The following ADGRV1 variants were observed in gnomAD, a reference collection of about 807,000 sequenced individuals.
ADGRV1 encodes G-protein coupled receptor 98.
In ADGRV1, 359 loss-of-function variants were observed where a neutral mutation model predicts 596.2. The ratio of observed to expected loss-of-function variants is 0.60; its 90% CI spans 0.55 to 0.66. ADGRV1 has a LOEUF of 0.66. ADGRV1 is among the 30% of genes least tolerant of loss of function. The probability of loss-of-function intolerance (pLI) is 0.00; values close to 1 mark genes in which losing one functional copy is unlikely to be tolerated. For missense variants in ADGRV1, 7,274 were observed against 7,575.6 expected, an observed-to-expected ratio of 0.96 and a Z score of 1.48; for synonymous variants, 2,681 against 2,679.2, an observed-to-expected ratio of 1.00 and a Z score of -0.02.
At chr5:91,014,260 G>A (rs1391779848) in intron 85 of ADGRV1, among the ~76,000 whole-genome samples, 7 of 151,738 alleles carry the variant, frequency 4.6e-5, no homozygotes, top group African/African-American at 1.7e-4. Context: ...TTTTTGATGT[G>A]CTGTTGAATA....
At chr5:90,822,017 C>G (rs550345846) in intron 75 of ADGRV1, 1 of 157,246 alleles carries the variant, frequency 6.4e-6, no homozygotes, top group Non-Finnish European at 1.4e-5. Flanking sequence ...CCCCCAGCCT[C>G]GCTGCCGCCT....
At chr5:90,643,611 C>T (rs1047695772) in intron 13 of ADGRV1, among the ~76,000 whole-genome samples, 192 bp from the exon 14 acceptor site, 8 of 151,936 alleles carry the variant, frequency 5.3e-5, no homozygotes, top group Non-Finnish European at 1.0e-4. Flanking sequence ...ACAATGTATA[C>T]GTATTTCTGG....
intron 86 of ADGRV1, among the ~76,000 whole-genome samples, chr5:91,100,277 G>A (rs937891019): frequency 6.6e-6 from 1 of 152,012 alleles, no homozygotes; most frequent in East Asian, 1.9e-4. Context: ...CAAAAATTAA[G>A]TGGGCGTGGT....
At chr5:90,938,179 C>T (rs532921851) in intron 83 of ADGRV1, among the ~76,000 whole-genome samples, 1 of 152,086 alleles carries the variant, frequency 6.6e-6, no homozygotes, top group South Asian at 2.1e-4. Flanking sequence ...CCCAAACAGC[C>T]TGGTTGAGTA....
At chr5:91,056,769 G>A (rs1207226015) in intron 85 of ADGRV1, among the ~76,000 whole-genome samples, 2 of 152,078 alleles carry the variant, frequency 1.3e-5, no homozygotes, top group Non-Finnish European at 2.9e-5. Context: ...AACCACCGCT[G>A]CTCTGTACAT....
chr5:91,148,954 G>A (rs1372043588), intron 87 of ADGRV1, among the ~76,000 whole-genome samples: 1 of 152,208 alleles, frequency 6.6e-6, no homozygotes, highest in Non-Finnish European at 1.5e-5. Flanking sequence ...TTTTGGACTT[G>A]CATGGAGTCT....
At chr5:90,568,934 T>C (rs1756020020) in intron 1 of ADGRV1, among the ~76,000 whole-genome samples, 1 of 152,216 alleles carries the variant, frequency 6.6e-6, no homozygotes, top group African/African-American at 2.4e-5. Context: ...TCTTAGTCCA[T>C]TTTCTGAATA....
At chr5:90,627,901 T>A in intron 7 of ADGRV1, 125 bp downstream of exon 7, 7 of 460,240 alleles carry the variant, frequency 1.5e-5, no homozygotes, top group Middle Eastern at 5.9e-4. Flanking sequence ...CAAAGTTTCA[T>A]GACAAACTCA....
At chr5:90,787,594 T>C (rs556651575) in intron 67 of ADGRV1, among the ~76,000 whole-genome samples, 19 of 146,714 alleles carry the variant, frequency 1.3e-4, no homozygotes, top group African/African-American at 3.2e-4. Context: ...TTCTTTCTTT[T>C]TTTTTTTTTT....
At chr5:90,976,808 C>T (rs1432721313) in intron 84 of ADGRV1, among the ~76,000 whole-genome samples, 3 of 152,078 alleles carry the variant, frequency 2.0e-5, no homozygotes, top group African/African-American at 7.2e-5. Flanking sequence ...ATATACAACC[C>T]TTGCATTGTT....
chr5:90,700,866 C>A (rs886942184), intron 34 of ADGRV1, among the ~76,000 whole-genome samples: 2 of 151,984 alleles, frequency 1.3e-5, no homozygotes, highest in Non-Finnish European at 2.9e-5. Context: ...CATGTATACA[C>A]GAATCTATTA....
intron 1 of ADGRV1, among the ~76,000 whole-genome samples, chr5:90,583,972 A>C (rs1445832602): frequency 6.6e-6 from 1 of 152,214 alleles, no homozygotes; most frequent in Non-Finnish European, 1.5e-5. Flanking sequence ...TATATTTAGA[A>C]TTTTGTTAAG....
intron 60 of ADGRV1, 125 bp from the exon 61 acceptor site, chr5:90,776,328 T>C (rs1466346594): frequency 2.0e-5 from 18 of 896,052 alleles, no homozygotes; most frequent in Admixed American, 2.0e-5. Flanking sequence ...ATTAATACCT[T>C]ACTGATATGA....
chr5:91,062,085 GTTC>G (rs1258786668), intron 85 of ADGRV1, among the ~76,000 whole-genome samples: 1 of 152,198 alleles, frequency 6.6e-6, no homozygotes, highest in East Asian at 1.9e-4. Context: ...GAGCCACATT[GTTC>G]TTCTTTTAGA....
chr5:91,084,685 T>C (rs1789707029), intron 86 of ADGRV1, among the ~76,000 whole-genome samples: 2 of 152,148 alleles, frequency 1.3e-5, no homozygotes, highest in African/African-American at 4.8e-5. Context: ...TCCTCAAGGA[T>C]CTAAAACTAG....
chr5:91,016,042 G>A (rs1327401061), intron 85 of ADGRV1, among the ~76,000 whole-genome samples: 1 of 151,940 alleles, frequency 6.6e-6, no homozygotes, highest in Non-Finnish European at 1.5e-5. Flanking sequence ...AAGATCTCTT[G>A]TAAGGCAGGT....
intron 84 of ADGRV1, among the ~76,000 whole-genome samples, chr5:90,976,185 T>C (rs1054961824): frequency 1.6e-4 from 24 of 148,606 alleles, no homozygotes; most frequent in African/African-American, 6.0e-4. Flanking sequence ...AATATTTAAA[T>C]AAGCAGACAT....
chr5:90,599,073 A>G (rs1354799975), intron 1 of ADGRV1, among the ~76,000 whole-genome samples: 1 of 152,212 alleles, frequency 6.6e-6, no homozygotes, highest in Non-Finnish European at 1.5e-5. Flanking sequence ...GCTCATGGCC[A>G]TAAAAAACCC....
At chr5:90,739,283 C>G (rs1179895303) in intron 50 of ADGRV1, among the ~76,000 whole-genome samples, 4 of 151,912 alleles carry the variant, frequency 2.6e-5, no homozygotes, top group Admixed American at 2.6e-4. Context: ...TTTTGTCATT[C>G]ATTTTATAGA....
Sources: allele counts gnomAD v4.1 joint callset (sites outside exome capture counted in the v4.1 genomes callset), GRCh38; gene constraint gnomAD v4.1.1; transcripts MANE v1.5; gene names NCBI Gene and HGNC (gene_info 2026-07-23, HGNC 2026-07-21).